CAST: variants seen among roughly 807,000 people sequenced by gnomAD.
CAST encodes MIR583 host.
In CAST, 76 loss-of-function variants were observed where a neutral mutation model predicts 119.6. That is an observed-to-expected ratio of 0.64 (90% CI 0.53 to 0.77). CAST has a LOEUF of 0.77. CAST is among the 30% of genes least tolerant of loss of function. The pLI is 0.00. For missense variants in CAST, 953 were observed against 946.5 expected (o/e 1.01, Z -0.09); for synonymous variants, 319 against 331.6 (o/e 0.96, Z 0.41).
intron 1 of CAST, among the ~76,000 whole-genome samples, chr5:96,587,181 G>A (rs1003706971): frequency 5.3e-5 from 8 of 152,182 alleles, no homozygotes; most frequent in African/African-American, 1.7e-4. Context: ...CAGCTAGAAA[G>A]GTTTGTACAG....
At chr5:96,283,249 T>C in the CAST span, among the ~76,000 whole-genome samples, 2 of 152,150 alleles carry the variant, frequency 1.3e-5, no homozygotes, top group African/African-American at 4.8e-5. Context: ...TTTCATCAGA[T>C]TGGCTTCTAC....
intron 1 of CAST, among the ~76,000 whole-genome samples, chr5:96,646,071 C>A (rs1015335891): frequency 6.6e-6 from 1 of 151,992 alleles, no homozygotes. Flanking sequence ...ATTAAAACCA[C>A]AAGGAGGTAA....
At chr5:96,094,812 C>T in the CAST span, among the ~76,000 whole-genome samples, 1 of 152,168 alleles carries the variant, frequency 6.6e-6, no homozygotes, top group Non-Finnish European at 1.5e-5. Flanking sequence ...CATTGGTTCT[C>T]TACGGTTTGG....
At chr5:96,078,849 A>G in the CAST span, among the ~76,000 whole-genome samples, 1 of 152,146 alleles carries the variant, frequency 6.6e-6, no homozygotes, top group Admixed American at 6.5e-5. Context: ...AAAACCAAGT[A>G]TTGCATGTTC....
At chr5:96,109,932 A>AT in the CAST span, among the ~76,000 whole-genome samples, 2 of 145,246 alleles carry the variant, frequency 1.4e-5, no homozygotes, top group Non-Finnish European at 1.5e-5. Flanking sequence ...TGTAAAAATG[A>AT]TAAAAAAAAA....
chr5:96,681,854 C>T (rs1751468515), intron 2 of CAST, among the ~76,000 whole-genome samples: 1 of 151,096 alleles, frequency 6.6e-6, no homozygotes, highest in Non-Finnish European at 1.5e-5. Context: ...ACTCTTGTTT[C>T]GGTTTCCCTT....
rs1227780253 is a variant in CAST at position 96,767,851 on chromosome 5, A to G, written c.2176-56A>G. On this transcript the variant is annotated intron_variant, in intron 28 of 31. Transcript: ENST00000675179. ...TGTAAGTGATGTGGGAAAAGACCCC[A>G]TATTGCATTTTGCCTTCTGCTTCTT... 6.0e-6 allele frequency: 6 copies of G among 993,538 alleles called. No individual in the cohort carries two copies. In the East Asian group the frequency reaches 1.2e-4, roughly 20 times the overall value. The allele number at this position is 993,538 out of a possible 1,614,324, so 61.5% of individuals were successfully genotyped here. A position where few individuals can be genotyped will look rare whatever the true frequency, so the allele number is the denominator to read the frequency against.
chr5:96,524,323 G>T (rs1260070706), upstream of CAST, among the ~76,000 whole-genome samples: 2 of 152,226 alleles, frequency 1.3e-5, no homozygotes, highest in South Asian at 2.1e-4. Context: ...TGTTTTCAAG[G>T]CATAAGCTCA....
chr5:96,332,067 A>G, the CAST span, among the ~76,000 whole-genome samples: 84 of 152,338 alleles, frequency 5.5e-4, no homozygotes, highest in Middle Eastern at 3.4e-3. Flanking sequence ...GTGATCTGGG[A>G]TAAAGGAGGC....
chr5:96,332,410 T>A, the CAST span, among the ~76,000 whole-genome samples: 1 of 151,506 alleles, frequency 6.6e-6, no homozygotes, highest in African/African-American at 2.4e-5. Context: ...TTAAATTGAT[T>A]TCGGCTTTTT....
At chr5:96,002,111 T>C in the CAST span, among the ~76,000 whole-genome samples, 4 of 152,348 alleles carry the variant, frequency 2.6e-5, no homozygotes, top group Admixed American at 6.5e-5. Flanking sequence ...TAATCTTTAT[T>C]TGGCAAATGT....
At chr5:96,317,141 A>G in the CAST span, among the ~76,000 whole-genome samples, 1 of 152,086 alleles carries the variant, frequency 6.6e-6, no homozygotes, top group South Asian at 2.1e-4. Flanking sequence ...CTACTGGTTT[A>G]TTTAAAGCAA....
At chr5:96,393,658 G>A in the CAST span, among the ~76,000 whole-genome samples, 1 of 152,198 alleles carries the variant, frequency 6.6e-6, no homozygotes, top group East Asian at 1.9e-4. Flanking sequence ...AGATGAGACT[G>A]TATAGGTAAG....
At chr5:96,116,989 G>A in the CAST span, among the ~76,000 whole-genome samples, 3 of 152,244 alleles carry the variant, frequency 2.0e-5, no homozygotes, top group African/African-American at 4.8e-5. Flanking sequence ...TATGCTTGGC[G>A]GGGTGGCAGT....
At chr5:96,769,747 C>T (rs372317975) in intron 29 of CAST, 1 of 151,642 alleles carries the variant, frequency 6.6e-6, no homozygotes, top group African/African-American at 2.4e-5. Context: ...TCCTCCTGTT[C>T]CCTACCATGG....
At chr5:96,220,212 A>G in the CAST span, among the ~76,000 whole-genome samples, 1 of 152,104 alleles carries the variant, frequency 6.6e-6, no homozygotes, top group African/African-American at 2.4e-5. Context: ...AGGAGTCTCT[A>G]CTCTCTTCCT....
chr5:95,967,593 A>G, the CAST span, among the ~76,000 whole-genome samples: 10 of 152,134 alleles, frequency 6.6e-5, no homozygotes, highest in African/African-American at 2.2e-4. Flanking sequence ...CTGTTCTTCT[A>G]ACAGTGAGTG....
chr5:96,148,515 A>G, the CAST span, among the ~76,000 whole-genome samples: 8 of 152,312 alleles, frequency 5.3e-5, no homozygotes, highest in Middle Eastern at 3.4e-3. Flanking sequence ...ACAGATCAGC[A>G]TTACTCTCCC....
At chr5:96,449,864 C>G in the CAST span, among the ~76,000 whole-genome samples, 1 of 152,202 alleles carries the variant, frequency 6.6e-6, no homozygotes, top group Non-Finnish European at 1.5e-5. Flanking sequence ...TCTTACCACT[C>G]TCTTAAGATG....
Sources: allele counts gnomAD v4.1 joint callset (sites outside exome capture counted in the v4.1 genomes callset), GRCh38; gene constraint gnomAD v4.1.1; transcripts MANE v1.5; gene names NCBI Gene and HGNC (gene_info 2026-07-23, HGNC 2026-07-21).